The following IGF1R variants were observed in gnomAD, a reference collection of about 807,000 sequenced individuals.
IGF1R encodes insulin like growth factor 1 receptor, also known as insulin-like growth factor 1 receptor.
In IGF1R, 44 loss-of-function variants were observed where a neutral mutation model predicts 144.6. That is an observed-to-expected ratio of 0.30 (90% CI 0.24 to 0.39). The LOEUF (loss-of-function observed/expected upper bound fraction) is 0.39. Among genes scored for constraint, IGF1R ranks in the 10% least tolerant of loss-of-function variants. IGF1R has a pLI of 1.00. For missense variants in IGF1R, 1,355 were observed against 1,833.7 expected, an observed-to-expected ratio of 0.74 and a Z score of 4.77; for synonymous variants, 795 against 722.8, an observed-to-expected ratio of 1.10 and a Z score of -1.60.
chr15:98,738,336 C>T (rs549211201), intron 2 of IGF1R, among the ~76,000 whole-genome samples: 44 of 152,278 alleles, frequency 2.9e-4, no homozygotes, highest in African/African-American at 1.0e-3. Context: ...CACCACCTTG[C>T]CTAGCTTGAA....
At chr15:98,663,606 G>A (rs28410907) in intron 1 of IGF1R, among the ~76,000 whole-genome samples, 40,397 of 152,150 alleles carry the variant, frequency 0.27, 9,647 homozygotes, top group African/African-American at 0.64. Context: ...GTTGTTGTTC[G>A]TTTGCTGGGG....
At chr15:98,879,758 T>C (rs1037125270) in intron 2 of IGF1R, among the ~76,000 whole-genome samples, 1 of 152,148 alleles carries the variant, frequency 6.6e-6, no homozygotes, top group African/African-American at 2.4e-5. Flanking sequence ...TCCCGTGATA[T>C]GAATCATGAA....
intron 2 of IGF1R, among the ~76,000 whole-genome samples, chr15:98,718,243 G>A (rs746525674): frequency 2.6e-5 from 4 of 152,166 alleles, no homozygotes; most frequent in South Asian, 4.1e-4. Context: ...ACAAACAAGC[G>A]CCCAGTCCTC....
At chr15:98,697,370 T>C (rs1197235629) in intron 1 of IGF1R, among the ~76,000 whole-genome samples, 1 of 152,210 alleles carries the variant, frequency 6.6e-6, no homozygotes, top group Non-Finnish European at 1.5e-5. Flanking sequence ...CATGCGGGCG[T>C]CCACCTGCTC....
At chr15:98,670,273 G>A (rs1374727539) in intron 1 of IGF1R, among the ~76,000 whole-genome samples, 1 of 152,118 alleles carries the variant, frequency 6.6e-6, no homozygotes. Context: ...TTGCCCAGAG[G>A]GATCTTGGAG....
chr15:98,788,529 A>T (rs563707267), intron 2 of IGF1R, among the ~76,000 whole-genome samples: 2 of 152,352 alleles, frequency 1.3e-5, no homozygotes, highest in African/African-American at 4.8e-5. Flanking sequence ...TCATAAAATA[A>T]TTTTTAAGGC....
intron 5 of IGF1R, among the ~76,000 whole-genome samples, chr15:98,908,326 T>A (rs2014832530): frequency 6.6e-6 from 1 of 152,188 alleles, no homozygotes; most frequent in Admixed American, 6.5e-5. Context: ...GCATGTCTGT[T>A]CTCTCATGGA....
chr15:98,708,049 G>C lies in IGF1R; in HGVS notation c.582G>C (p.Lys194Asn). 6.2e-7 allele frequency: 1 copy of C among 1,614,130 alleles called. No individual in the cohort carries two copies. Among genetic ancestry groups the C allele is most frequent in the Non-Finnish European group, 8.5e-7 (1 of 1,180,024 alleles). ...GTMEEKPMCE[K>N]TTINNEYNYR... is the part of the protein sequence containing the mutation. ...TGGAGGAGAAGCCGATGTGTGAGAAGACCACCATCAACAATGAGTACAACT... is the reference window on the plus strand; with the variant it reads ...TGGAGGAGAAGCCGATGTGTGAGAACACCACCATCAACAATGAGTACAACT... Residue 194 changes from lysine (K) to asparagine (N), a missense_variant, in exon 2 of 21, where the codon AAG (lysine) becomes AAC (asparagine). Physicochemically the swap from Lys to Asn is moderately conservative, Grantham distance 94 (BLOSUM62 0). This residue lies in a region of IGF1R where 880 missense variants were observed against 1,202.7 expected (regional missense o/e 0.73). Coordinates refer to ENST00000650285, the MANE Select transcript of IGF1R (RefSeq NM_000875.5).
chr15:98,850,335 A>G (rs1234955000), intron 2 of IGF1R, among the ~76,000 whole-genome samples: 1 of 152,212 alleles, frequency 6.6e-6, no homozygotes. Context: ...TCAGGCTGAG[A>G]GAGCAGAGAA....
intron 2 of IGF1R, among the ~76,000 whole-genome samples, chr15:98,808,194 T>G (rs796829019): frequency 2.6e-5 from 4 of 152,216 alleles, no homozygotes; most frequent in African/African-American, 9.6e-5. Flanking sequence ...ATAAGATATA[T>G]TCATCTTAAA....
chr15:98,704,367 G>A lies in IGF1R; in HGVS notation c.95-3195G>A, dbSNP rs2053810426. Among the ~76,000 whole-genome samples, 1 of 152,152 alleles carries A rather than the reference G, an allele frequency of 6.6e-6. No homozygotes were observed. Among genetic ancestry groups the A allele is most frequent in the Non-Finnish European group, 1.5e-5 (1 of 68,018 alleles). ...ACCCAGATGGCTAGAGAATGGGGCA[G>A]CCTCCTGAAGGAGCAGAAGCACTGT... On this transcript the variant is annotated intron_variant, in intron 1 of 20. Coordinates refer to ENST00000650285, the MANE Select transcript of IGF1R (RefSeq NM_000875.5). This position sits in a 1 kb window ranked among gnomAD's most constrained non-coding sequence, Gnocchi z 4.9.
Position 98,746,452 on chromosome 15 carries a change from C to G in IGF1R, c.640+38345C>G, listed in dbSNP as rs574635770. ...AAACAAAAGGTGTGAGTGCATGCCT[C>G]CTGGATAGATGTCTTTTTAGTGTAA... On this transcript the variant is annotated intron_variant, in intron 2 of 20. Coordinates refer to ENST00000650285, the MANE Select transcript of IGF1R (RefSeq NM_000875.5). Among the ~76,000 whole-genome samples the G allele has an allele frequency of 2.0e-5, 3 of 152,278 alleles. No homozygotes were observed. The East Asian group carries it at 5.8e-4, about 29-fold the overall frequency.
intron 2 of IGF1R, among the ~76,000 whole-genome samples, chr15:98,752,252 A>C (rs963806152): frequency 1.3e-5 from 2 of 152,182 alleles, no homozygotes; most frequent in Non-Finnish European, 2.9e-5. Context: ...TTCTGAGCCC[A>C]CACCAGGTCA....
At chr15:98,833,977 C>G (rs909730267) in intron 2 of IGF1R, among the ~76,000 whole-genome samples, 5 of 152,046 alleles carry the variant, frequency 3.3e-5, no homozygotes, top group Non-Finnish European at 7.4e-5. Flanking sequence ...TAGTATGGAC[C>G]CTGAATACAA....
At chr15:98,939,086 A>G in intron 17 of IGF1R, 115 bp from the exon 18 acceptor site, 1 of 843,880 alleles carries the variant, frequency 1.2e-6, no homozygotes, top group Non-Finnish European at 2.0e-6. Flanking sequence ...GTTTCTTAGC[A>G]TAAACAACCC....
intron 1 of IGF1R, among the ~76,000 whole-genome samples, chr15:98,678,292 C>T (rs1156285960): frequency 2.0e-5 from 3 of 152,040 alleles, no homozygotes; most frequent in African/African-American, 7.2e-5. Flanking sequence ...ATTTTTTAAT[C>T]TCTTATTTTA....
chr15:98,736,537 C>T (rs2054612377), intron 2 of IGF1R, among the ~76,000 whole-genome samples: 1 of 151,866 alleles, frequency 6.6e-6, no homozygotes, highest in Admixed American at 6.6e-5. Flanking sequence ...TTTAAAAAGG[C>T]ACTCCTTCCT....
chr15:98,713,854 T>A (rs778816727), intron 2 of IGF1R, among the ~76,000 whole-genome samples: 1 of 152,202 alleles, frequency 6.6e-6, no homozygotes, highest in Non-Finnish European at 1.5e-5. Context: ...ATGAACAGCC[T>A]GTGGTCTGCT....
At chr15:98,680,306 G>A (rs978004864) in intron 1 of IGF1R, among the ~76,000 whole-genome samples, 4 of 150,208 alleles carry the variant, frequency 2.7e-5, no homozygotes, top group East Asian at 2.0e-4. Context: ...TCGCTCTGTC[G>A]CCCAGGCTGG....
Sources: allele counts gnomAD v4.1 joint callset (sites outside exome capture counted in the v4.1 genomes callset), GRCh38; gene constraint gnomAD v4.1.1; regional missense constraint gnomAD v4.1.1; non-coding constraint Gnocchi (gnomAD v3.1); transcripts MANE v1.5; gene names NCBI Gene and HGNC (gene_info 2026-07-23, HGNC 2026-07-21).